The following GNA14 variants were observed in gnomAD, a reference collection of about 807,000 sequenced individuals.
GNA14 encodes the protein G protein subunit alpha 14, also known as guanine nucleotide-binding protein subunit alpha-14.
GNA14 carries 50 observed loss-of-function variants against 42.0 expected under a neutral mutation model. The observed-to-expected ratio is 1.19, with a 90% CI of 0.95 to 1.51. The LOEUF (loss-of-function observed/expected upper bound fraction) is 1.51, where lower values mean the gene tolerates loss of function less well. GNA14 is among the 40% of genes most tolerant of loss of function. GNA14 has a pLI of 0.00. For missense variants in GNA14, 473 were observed against 446.2 expected, an observed-to-expected ratio of 1.06 and a Z score of -0.54; for synonymous variants, 173 against 163.1, an observed-to-expected ratio of 1.06 and a Z score of -0.46.
rs529986446 is a variant in GNA14, at chr9:77,462,882, C to T, written c.310-28360G>A. Among the ~76,000 whole-genome samples the T allele has an allele frequency of 3.6e-3, 544 of 152,244 alleles. 3 individuals are homozygous for T. The highest frequency in any genetic ancestry group is 6.6e-3 in the Non-Finnish European group (452 of 68,014). ...CTTCTCCCCAGGGTCCCCAGATGCC[C>T]AGTCACCAAGTTCCTCCACTAGATC... On this transcript the variant is annotated intron_variant, in intron 2 of 6. Transcript: ENST00000341700.
chr9:77,440,970 C>A (rs1483756133), intron 2 of GNA14, among the ~76,000 whole-genome samples: 1 of 151,844 alleles, frequency 6.6e-6, no homozygotes, highest in Non-Finnish European at 1.5e-5. Flanking sequence ...CCCACCTCAG[C>A]TTCCCAAAGT....
At chr9:77,446,463 G>A (rs1489174193) in intron 2 of GNA14, among the ~76,000 whole-genome samples, 1 of 152,230 alleles carries the variant, frequency 6.6e-6, no homozygotes, top group African/African-American at 2.4e-5. Flanking sequence ...GTCATGCTGT[G>A]TCTCTCAGCC....
At chr9:77,564,832 A>AT (rs1413451785) in intron 1 of GNA14, among the ~76,000 whole-genome samples, 1 of 80,712 alleles carries the variant, frequency 1.2e-5, no homozygotes, top group Non-Finnish European at 2.8e-5. Flanking sequence ...GAATCTGTCT[A>AT]TTAAAAAAAA....
chr9:77,499,275 A>G (rs1836926094), intron 2 of GNA14, among the ~76,000 whole-genome samples: 1 of 152,138 alleles, frequency 6.6e-6, no homozygotes, highest in Non-Finnish European at 1.5e-5. Context: ...ATGAAAGTTC[A>G]CTGTAGAATT....
intron 2 of GNA14, among the ~76,000 whole-genome samples, chr9:77,495,173 A>C (rs566543077): frequency 6.6e-6 from 1 of 152,130 alleles, no homozygotes; most frequent in Non-Finnish European, 1.5e-5. Flanking sequence ...TCTAACTTAG[A>C]TTAGACCAAA....
At chr9:77,634,470 GGGAAGGAA>G (rs200703217) in intron 1 of GNA14, among the ~76,000 whole-genome samples, 3 of 146,474 alleles carry the variant, frequency 2.0e-5, no homozygotes, top group African/African-American at 5.0e-5. Flanking sequence ...AAAGGAAGGA[GGGAAGGAA>G]GGAAGGAAGG....
At chr9:77,635,349 C>G (rs1417751859) in intron 1 of GNA14, 1 of 152,192 alleles carries the variant, frequency 6.6e-6, no homozygotes, top group African/African-American at 2.4e-5. Flanking sequence ...GTATAAATGA[C>G]AGCATGCTAT....
intron 1 of GNA14, among the ~76,000 whole-genome samples, chr9:77,620,848 C>CA (rs35141766): frequency 0.13 from 9,198 of 73,382 alleles, 597 homozygotes; most frequent in Non-Finnish European, 0.17. Context: ...AATCTTGTCT[C>CA]AAAAAAAAAA....
At position 77,617,665 on chromosome 9, in the gene GNA14, A is replaced by G; in HGVS notation, c.124+30005T>C. On this transcript the variant is annotated intron_variant, in intron 1 of 6. Coordinates refer to ENST00000341700, the MANE Select transcript of GNA14 (RefSeq NM_004297.4). ...CTCTTCTTGGCCTCCCCTAACACTTAAATTAAAATCCAAACTCCTACTTCC... is the reference window on the plus strand; with the variant it reads ...CTCTTCTTGGCCTCCCCTAACACTTGAATTAAAATCCAAACTCCTACTTCC... Among the ~76,000 whole-genome samples the G allele has an allele frequency of 1.3e-5, 2 of 151,940 alleles. 1 individual carries two copies. The highest frequency in any genetic ancestry group is 2.9e-5 in the Non-Finnish European group (2 of 67,964).
At chr9:77,457,867 T>C (rs1030716433) in intron 2 of GNA14, among the ~76,000 whole-genome samples, 2 of 151,930 alleles carry the variant, frequency 1.3e-5, no homozygotes, top group African/African-American at 2.4e-5. Flanking sequence ...CCAACAACAT[T>C]CCTTGCTCTG....
At chr9:77,437,795 C>T (rs1225656620) in intron 2 of GNA14, among the ~76,000 whole-genome samples, 1 of 152,164 alleles carries the variant, frequency 6.6e-6, no homozygotes, top group Non-Finnish European at 1.5e-5. Flanking sequence ...CAGATATGCC[C>T]TCACTTGCCA....
chr9:77,625,900 G>A (rs369200772), intron 1 of GNA14, among the ~76,000 whole-genome samples: 38 of 152,220 alleles, frequency 2.5e-4, no homozygotes, highest in Middle Eastern at 3.4e-3. Context: ...AACCTTAAAT[G>A]TAAATGGGCT....
At chr9:77,479,119 C>T (rs7849796) in intron 2 of GNA14, among the ~76,000 whole-genome samples, 41,256 of 151,260 alleles carry the variant, frequency 0.27, 5,837 homozygotes, top group East Asian at 0.43. Context: ...CTGAATGGTA[C>T]TGCCTAGGTT....
chr9:77,540,669 A>G (rs1189703993), intron 1 of GNA14, among the ~76,000 whole-genome samples: 3 of 151,984 alleles, frequency 2.0e-5, no homozygotes, highest in African/African-American at 7.3e-5. Context: ...GGGAGCATAT[A>G]TATTTAAAGT....
At chr9:77,529,626 A>G (rs1424745762) in intron 1 of GNA14, among the ~76,000 whole-genome samples, 1 of 152,194 alleles carries the variant, frequency 6.6e-6, no homozygotes, top group African/African-American at 2.4e-5. Flanking sequence ...TGGAGGAGAG[A>G]AAAAGGCTCA....
chr9:77,446,636 G>A (rs1398535566), intron 2 of GNA14, among the ~76,000 whole-genome samples: 8 of 152,146 alleles, frequency 5.3e-5, no homozygotes, highest in Admixed American at 1.3e-4. Context: ...AGGAGAAGGG[G>A]TGGGGGGAGA....
chr9:77,467,573 G>C (rs1030775122), intron 2 of GNA14, among the ~76,000 whole-genome samples: 4 of 149,824 alleles, frequency 2.7e-5, no homozygotes, highest in African/African-American at 9.9e-5. Context: ...CATGTCTACT[G>C]TGAATGAACT....
At chr9:77,473,500 A>G (rs1564024853) in intron 2 of GNA14, among the ~76,000 whole-genome samples, 1 of 152,086 alleles carries the variant, frequency 6.6e-6, no homozygotes, top group Non-Finnish European at 1.5e-5. Flanking sequence ...ATATAAATGA[A>G]TGGAAAAACA....
chr9:77,591,961 C>T (rs10125764), intron 1 of GNA14, among the ~76,000 whole-genome samples: 2,900 of 147,872 alleles, frequency 0.02, 103 homozygotes, highest in African/African-American at 0.069. Context: ...GTCACCTAGG[C>T]TGGAGTGCAG....
Sources: gnomAD v4.1 joint callset for allele counts (sites outside exome capture counted in the v4.1 genomes callset) on GRCh38, gnomAD v4.1.1 for gene constraint, MANE v1.5 for transcripts, NCBI Gene and HGNC (gene_info 2026-07-23, HGNC 2026-07-21) for gene names.